TMEM132C: variants seen among roughly 807,000 people sequenced by gnomAD.
TMEM132C encodes transmembrane protein 132C.
Under a neutral mutation model 61.4 loss-of-function variants are expected in TMEM132C, and 29 were observed. That is an observed-to-expected ratio of 0.47 (90% CI 0.35 to 0.64). The LOEUF is 0.64. TMEM132C is among the 30% of genes least tolerant of loss of function. The pLI is 0.00. For missense variants in TMEM132C, 1,408 were observed against 1,476.9 expected, an observed-to-expected ratio of 0.95 and a Z score of 0.76; for synonymous variants, 656 against 633.1, an observed-to-expected ratio of 1.04 and a Z score of -0.54.
chr12:128,636,627 A>T (rs1291325823), intron 4 of TMEM132C, among the ~76,000 whole-genome samples: 1 of 150,532 alleles, frequency 6.6e-6, no homozygotes, highest in East Asian at 1.9e-4. Flanking sequence ...TTAACATGAG[A>T]TCCACCCCCT....
At chr12:128,458,013 A>G (rs1870402505) in intron 2 of TMEM132C, among the ~76,000 whole-genome samples, 1 of 152,084 alleles carries the variant, frequency 6.6e-6, no homozygotes, top group African/African-American at 2.4e-5. Flanking sequence ...CAGTATGTCA[A>G]TTTTAGTTCA....
At chr12:128,452,757 C>T (rs1049746074) in intron 2 of TMEM132C, among the ~76,000 whole-genome samples, 12 of 151,924 alleles carry the variant, frequency 7.9e-5, no homozygotes, top group Admixed American at 2.0e-4. Flanking sequence ...GTGATTTGTG[C>T]ATTTCTGGCT....
intron 3 of TMEM132C, among the ~76,000 whole-genome samples, chr12:128,578,204 C>T (rs1565979720): frequency 6.6e-6 from 1 of 152,224 alleles, no homozygotes; most frequent in Admixed American, 6.5e-5. Context: ...CCTCCAAATG[C>T]CCCAAGAGAG....
chr12:128,653,273 G>A (rs1205326626), intron 4 of TMEM132C, among the ~76,000 whole-genome samples: 1 of 152,084 alleles, frequency 6.6e-6, no homozygotes, highest in African/African-American at 2.4e-5. Flanking sequence ...GGGAGGAGGG[G>A]GGGATGGGAG....
At chr12:128,563,028 G>A (rs1446451546) in intron 3 of TMEM132C, among the ~76,000 whole-genome samples, 2 of 152,210 alleles carry the variant, frequency 1.3e-5, no homozygotes, top group Non-Finnish European at 2.9e-5. Context: ...CTTCTTTTAA[G>A]TGCAGGACCC....
chr12:128,317,833 A>G (rs995426207), intron 1 of TMEM132C, among the ~76,000 whole-genome samples: 1 of 152,214 alleles, frequency 6.6e-6, no homozygotes, highest in African/African-American at 2.4e-5. Flanking sequence ...TTCAGTGAGC[A>G]GTGAGGTTGC....
intron 2 of TMEM132C, among the ~76,000 whole-genome samples, chr12:128,505,845 G>A (rs1186126684): frequency 6.6e-6 from 1 of 152,142 alleles, no homozygotes; most frequent in Non-Finnish European, 1.5e-5. Flanking sequence ...CTGGAAGACA[G>A]CTCTGAGGAG....
rs1414339181 is a variant in TMEM132C at position 128,630,326 on chromosome 12, A to G, written c.1305+13991A>G. Among the ~76,000 whole-genome samples the G allele has an allele frequency of 6.6e-6, 1 of 152,124 alleles. No homozygotes were observed. The highest frequency in any genetic ancestry group is 6.5e-5 in the Admixed American group (1 of 15,282). On this transcript the variant is annotated intron_variant, in intron 4 of 8. Coordinates refer to ENST00000435159, the MANE Select transcript of TMEM132C (RefSeq NM_001136103.3). This position sits in a 1 kb window ranked among gnomAD's most constrained non-coding sequence, Gnocchi z 4.3. ...GGAGCTTCTGGCCACATCCCACACCACTTAAGCCAAATCAGCGTAGTTAGA... is the reference window on the plus strand; with the variant it reads ...GGAGCTTCTGGCCACATCCCACACCGCTTAAGCCAAATCAGCGTAGTTAGA...
chr12:128,684,587 C>T (rs1438100145), intron 5 of TMEM132C, among the ~76,000 whole-genome samples: 6 of 152,216 alleles, frequency 3.9e-5, no homozygotes, highest in South Asian at 2.1e-4. Flanking sequence ...GAGCCGAGAA[C>T]GACGGGAGAT....
intron 4 of TMEM132C, among the ~76,000 whole-genome samples, chr12:128,656,349 C>T (rs1387892446): frequency 2.6e-5 from 4 of 152,162 alleles, no homozygotes; most frequent in Non-Finnish European, 4.4e-5. Flanking sequence ...CTGTGCCCAG[C>T]CTAGCAAATG....
chr12:128,398,929 C>A (rs1875053604), intron 1 of TMEM132C, among the ~76,000 whole-genome samples: 1 of 152,172 alleles, frequency 6.6e-6, no homozygotes, highest in South Asian at 2.1e-4. Context: ...ATTCCCCATT[C>A]CCTCTTGGAA....
intron 3 of TMEM132C, among the ~76,000 whole-genome samples, chr12:128,589,055 T>C (rs11059782): frequency 0.6 from 90,620 of 151,918 alleles, 27,713 homozygotes; most frequent in East Asian, 0.82. Context: ...GAAAGCAGTA[T>C]GACCAACGAC....
chr12:128,447,018 C>G (rs1870003857), intron 2 of TMEM132C, among the ~76,000 whole-genome samples: 1 of 152,036 alleles, frequency 6.6e-6, no homozygotes, highest in Non-Finnish European at 1.5e-5. Flanking sequence ...TACACGTGTG[C>G]TAAGGAAAAG....
intron 1 of TMEM132C, among the ~76,000 whole-genome samples, chr12:128,396,108 A>G (rs1385590246): frequency 6.6e-6 from 1 of 152,186 alleles, no homozygotes; most frequent in African/African-American, 2.4e-5. Context: ...AGCTCTGGGT[A>G]GTGTTTCTCT....
intron 1 of TMEM132C, among the ~76,000 whole-genome samples, chr12:128,313,727 G>A (rs1197394321): frequency 6.6e-6 from 1 of 152,188 alleles, no homozygotes; most frequent in Non-Finnish European, 1.5e-5. Flanking sequence ...ATCCTGTTAG[G>A]AAGGACGAGA....
intron 2 of TMEM132C, chr12:128,438,045 G>A (rs1296575820): frequency 2.0e-5 from 3 of 152,156 alleles, no homozygotes; most frequent in Admixed American, 6.5e-5. Flanking sequence ...TGTACTGGTG[G>A]AAATAATCTT....
chr12:128,604,347 G>T (rs563680231), intron 3 of TMEM132C, among the ~76,000 whole-genome samples: 1 of 150,086 alleles, frequency 6.7e-6, no homozygotes, highest in South Asian at 2.1e-4. Flanking sequence ...AAGATGGATG[G>T]ATAGATAGAT....
intron 1 of TMEM132C, among the ~76,000 whole-genome samples, chr12:128,365,876 G>A (rs1328159403): frequency 3.3e-5 from 5 of 152,174 alleles, no homozygotes; most frequent in Non-Finnish European, 7.3e-5. Flanking sequence ...TGTGTGCCGA[G>A]GAGCCCTCCC....
intron 8 of TMEM132C, 125 bp from the exon 9 acceptor site, chr12:128,704,965 T>C (rs915338489): frequency 3.5e-5 from 36 of 1,030,956 alleles, no homozygotes; most frequent in Non-Finnish European, 4.6e-5. Context: ...TCTCCCCAGA[T>C]GCATGAGCTA....
Sources: gnomAD v4.1 joint callset for allele counts (sites outside exome capture counted in the v4.1 genomes callset) on GRCh38, gnomAD v4.1.1 for gene constraint, Gnocchi (gnomAD v3.1) non-coding constraint, MANE v1.5 for transcripts, NCBI Gene and HGNC (gene_info 2026-07-23, HGNC 2026-07-21) for gene names.